Variants in UBR1 observed in about 807,000 individuals in gnomAD.
UBR1 encodes the protein ubiquitin protein ligase E3 component n-recognin 1.
Under a neutral mutation model 242.1 loss-of-function variants are expected in UBR1, and 102 were observed. The ratio of observed to expected loss-of-function variants is 0.42; its 90% CI spans 0.36 to 0.50. The LOEUF is 0.50. Among genes scored for constraint, UBR1 ranks in the 20% least tolerant of loss-of-function variants. The pLI, the probability that UBR1 is intolerant of heterozygous loss-of-function variation, is 0.01. For synonymous variants in UBR1, 675 were observed against 684.8 expected (o/e 0.99, Z 0.22); for missense variants, 1,772 against 2,101.8 (o/e 0.84, Z 3.07).
intron 3 of UBR1, among the ~76,000 whole-genome samples, chr15:43,078,807 G>C (rs943126305): frequency 6.6e-6 from 1 of 151,800 alleles, no homozygotes; most frequent in African/African-American, 2.4e-5. Context: ...CATTTCTACA[G>C]AAAATTAAAA....
chr15:43,100,079 G>GT (rs1182997251), intron 1 of UBR1, among the ~76,000 whole-genome samples: 1 of 152,064 alleles, frequency 6.6e-6, no homozygotes, highest in Admixed American at 6.6e-5. Flanking sequence ...GTTTCACCAT[G>GT]TTAGCCAGGA....
At chr15:43,015,641 T>TAA (rs545035936) in intron 29 of UBR1, 47 bp downstream of exon 29, 65 of 1,181,560 alleles carry the variant, frequency 5.5e-5, no homozygotes, top group Middle Eastern at 2.8e-4. Context: ...ATGATCAATT[T>TAA]AAAAAAAAAA....
In UBR1 at chr15:42,990,011, T is replaced by C. The variant is rs890796213; in HGVS notation, c.3848+19A>G. Reference sequence around the variant, plus strand: ...TTCACAATCATTTACAAAGTTCTCTTAACTATTTAGATACTTACGAAGACT... The same window carrying C: ...TTCACAATCATTTACAAAGTTCTCTCAACTATTTAGATACTTACGAAGACT... On this transcript the variant is annotated intron_variant, in intron 34 of 46. Coordinates refer to ENST00000290650, the MANE Select transcript of UBR1 (RefSeq NM_174916.3). 1.9e-6 allele frequency: 3 copies of C among 1,572,686 alleles called. No individual in the cohort carries two copies. The highest frequency in any genetic ancestry group is 2.6e-6 in the Non-Finnish European group (3 of 1,146,428).
rs191456147 is a variant in UBR1 at position 43,044,661 on chromosome 15, G to A, written c.1669-1266C>T. The stretch of plus-strand genomic sequence containing the variant: ...CAATCCTAGCACTTTGGAAGGCCGA[G>A]GTGGGCAGATCACGAGGTCAGGAGT... On this transcript the variant is annotated intron_variant, in intron 14 of 46. Coordinates refer to ENST00000290650, the MANE Select transcript of UBR1 (RefSeq NM_174916.3). 3.5e-3 allele frequency among the ~76,000 whole-genome samples: 528 copies of A among 152,240 alleles called. 2 individuals are homozygous for A. The highest frequency in any genetic ancestry group is 0.012 in the African/African-American group (513 of 41,530).
intron 12 of UBR1, 140 bp from the exon 13 acceptor site, chr15:43,048,631 T>TTCTA: frequency 1.5e-6 from 1 of 681,002 alleles, no homozygotes; most frequent in Non-Finnish European, 2.5e-6. Flanking sequence ...TGAGTAGAGC[T>TTCTA]AGAATTATTT....
chr15:43,009,986 C>T (rs2032895308), intron 29 of UBR1, among the ~76,000 whole-genome samples: 1 of 152,130 alleles, frequency 6.6e-6, no homozygotes, highest in Non-Finnish European at 1.5e-5. Flanking sequence ...TTCTCCTTGC[C>T]TCGGCCTCTG....
intron 46 of UBR1, among the ~76,000 whole-genome samples, chr15:42,947,459 A>C (rs904874492): frequency 1.3e-5 from 2 of 152,122 alleles, no homozygotes; most frequent in African/African-American, 4.8e-5. Flanking sequence ...GAAGGAAATA[A>C]AGGGTATTCA....
intron 46 of UBR1, 73 bp from the exon 47 acceptor site, chr15:42,945,543 G>C: frequency 6.4e-7 from 1 of 1,572,086 alleles, no homozygotes; most frequent in South Asian, 1.1e-5. Flanking sequence ...GTCTAAATTA[G>C]TATGCACTCT....
chr15:42,966,438 G>C (rs914837835), intron 40 of UBR1, 152 bp from the exon 41 acceptor site: 1 of 1,208,346 alleles, frequency 8.3e-7, no homozygotes, highest in African/African-American at 1.5e-5. Flanking sequence ...TATAATCCCA[G>C]CACTCTGGGA....
chr15:43,081,091 G>A (rs889276050), intron 3 of UBR1, among the ~76,000 whole-genome samples: 18 of 152,056 alleles, frequency 1.2e-4, no homozygotes, highest in African/African-American at 4.3e-4. Context: ...ATTATCTTCT[G>A]AAGTAGTTAT....
chr15:43,041,606 A>C (rs2033418994), intron 15 of UBR1, among the ~76,000 whole-genome samples: 1 of 152,150 alleles, frequency 6.6e-6, no homozygotes, highest in Non-Finnish European at 1.5e-5. Context: ...AAACAAAAAA[A>C]CAAAAAAAAA....
chr15:43,093,378 C>T (rs978295106), intron 1 of UBR1, among the ~76,000 whole-genome samples: 4 of 152,110 alleles, frequency 2.6e-5, no homozygotes, highest in East Asian at 1.9e-4. Flanking sequence ...AACCTGGAGG[C>T]GCTACCATTT....
chr15:43,039,307 T>C (rs2033385481), intron 15 of UBR1, among the ~76,000 whole-genome samples: 1 of 152,238 alleles, frequency 6.6e-6, no homozygotes, highest in African/African-American at 2.4e-5. Flanking sequence ...TTCCTATCCA[T>C]GAGCATGGAA....
chr15:43,033,790 T>C (rs2033289557), intron 19 of UBR1, among the ~76,000 whole-genome samples: 1 of 152,224 alleles, frequency 6.6e-6, no homozygotes, highest in Non-Finnish European at 1.5e-5. Context: ...CTTTATAGGC[T>C]GGTACTTCAA....
At position 43,086,224 on chromosome 15, in the gene UBR1, A is replaced by T. The variant is rs528718889; in HGVS notation, c.98T>A (p.Val33Asp). 5.0e-6 allele frequency: 8 copies of T among 1,613,962 alleles called. No individual in the cohort carries two copies. In the East Asian group the frequency reaches 1.6e-4, roughly 31 times the overall value. Residue 33 changes from valine to aspartate, a missense_variant, in exon 2 of 47, where the codon GTT becomes GAT. By Grantham distance (152) the Val-to-Asp change is radical. Transcript: ENST00000290650. The stretch of plus-strand genomic sequence containing the variant: ...ATGCAAGAAAGCAGTATAAAAATCA[A>T]CTTGCTGATCCCACCACTAAAAGAA... Reference protein sequence around the residue: ...QRLASWWDQQVDFYTAFLHHL... With the variant: ...QRLASWWDQQDDFYTAFLHHL...
chr15:43,010,660 T>C (rs147879958), intron 29 of UBR1, among the ~76,000 whole-genome samples: 1 of 151,824 alleles, frequency 6.6e-6, no homozygotes, highest in East Asian at 1.9e-4. Flanking sequence ...TGACATTCAG[T>C]TTTCAAGAGG....
intron 29 of UBR1, 118 bp from the exon 30 acceptor site, chr15:43,007,402 G>C (rs1181244472): frequency 1.1e-6 from 1 of 942,870 alleles, no homozygotes; most frequent in Non-Finnish European, 1.6e-6. Flanking sequence ...AAATAAAAAT[G>C]ATATTTAGCA....
intron 1 of UBR1, among the ~76,000 whole-genome samples, chr15:43,100,058 G>A (rs1176399397): frequency 6.6e-6 from 1 of 152,076 alleles, no homozygotes. Flanking sequence ...TGTATTTTTA[G>A]TTGAGAAGGG....
chr15:42,999,368 T>A (rs987650411), intron 32 of UBR1, among the ~76,000 whole-genome samples: 3 of 152,244 alleles, frequency 2.0e-5, no homozygotes, highest in African/African-American at 7.2e-5. Context: ...CTGACAACTC[T>A]GTCTATAAAT....
Sources: allele counts gnomAD v4.1 joint callset (sites outside exome capture counted in the v4.1 genomes callset), GRCh38; gene constraint gnomAD v4.1.1; transcripts MANE v1.5; gene names NCBI Gene and HGNC (gene_info 2026-07-23, HGNC 2026-07-21).